The following XRN2 variants were observed in gnomAD, a reference collection of about 807,000 sequenced individuals.
XRN2 encodes DHM1-like protein.
A neutral mutation model predicts 138.5 loss-of-function variants in XRN2; 44 were observed. That is an observed-to-expected ratio of 0.32 (90% CI 0.25 to 0.41). The LOEUF (loss-of-function observed/expected upper bound fraction) is 0.41, where lower values mean the gene tolerates loss of function less well. Among genes scored for constraint, XRN2 ranks in the 10% least tolerant of loss-of-function variants. The pLI, the probability that XRN2 is intolerant of heterozygous loss-of-function variation, is 1.00. For synonymous variants in XRN2, 354 were observed against 369.4 expected, an observed-to-expected ratio of 0.96 and a Z score of 0.48; for missense variants, 937 against 1,169.3, an observed-to-expected ratio of 0.80 and a Z score of 2.90.
intron 1 of XRN2, among the ~76,000 whole-genome samples, chr20:21,312,567 A>G (rs1287070578): frequency 6.6e-6 from 1 of 151,508 alleles, no homozygotes; most frequent in Non-Finnish European, 1.5e-5. Context: ...TAAACTCTAG[A>G]GAGCCAGAGC....
At chr20:21,331,937 T>C in intron 8 of XRN2, 119 bp downstream of exon 8, 1 of 1,103,438 alleles carries the variant, frequency 9.1e-7, no homozygotes, top group East Asian at 2.4e-5. Flanking sequence ...TTGGTTATTT[T>C]ATGTTCGACA....
At position 21,386,955 on chromosome 20, in the gene XRN2, A is replaced by G. The variant is rs761012163; in HGVS notation, c.2736A>G (p.Leu912=). 1.2e-6 allele frequency: 2 copies of G among 1,614,012 alleles called. No individual in the cohort carries two copies. The highest frequency in any genetic ancestry group is 2.2e-5 in the South Asian group (2 of 91,082). ...TCCAGCCAAACCAGTACCAGATGCTAGCTGGGCCTGGTGGGTATCCACCCA... is the reference window on the plus strand; with the variant it reads ...TCCAGCCAAACCAGTACCAGATGCTGGCTGGGCCTGGTGGGTATCCACCCA... The part of the protein sequence containing the change: ...AAFQPNQYQM[L]AGPGGYPPRR... The change falls in exon 29 of 30, where the codon CTA becomes CTG. Residue 912 remains leucine, a synonymous_variant. Coordinates refer to ENST00000377191, the MANE Select transcript of XRN2 (RefSeq NM_012255.5).
chr20:21,357,666 A>T, intron 23 of XRN2, 70 bp from the exon 24 acceptor site: 2 of 1,271,640 alleles, frequency 1.6e-6, no homozygotes, highest in Non-Finnish European at 2.2e-6. Flanking sequence ...AAACATAGCA[A>T]CATCTTATTT....
chr20:21,327,117 G>A (rs1041297375), intron 3 of XRN2, among the ~76,000 whole-genome samples: 2 of 152,264 alleles, frequency 1.3e-5, no homozygotes, highest in Admixed American at 6.5e-5. Flanking sequence ...CACACTTTCC[G>A]TGCCTTTGAC....
chr20:21,316,650 A>G (rs1470230173), intron 1 of XRN2, among the ~76,000 whole-genome samples: 1 of 152,206 alleles, frequency 6.6e-6, no homozygotes, highest in Non-Finnish European at 1.5e-5. Flanking sequence ...CTAAATGTTT[A>G]TCCTTGTCCC....
At chr20:21,344,422 G>A (rs896229958) in intron 16 of XRN2, among the ~76,000 whole-genome samples, 2 of 152,116 alleles carry the variant, frequency 1.3e-5, no homozygotes, top group African/African-American at 4.8e-5. Flanking sequence ...ATTAGTATGC[G>A]TGCAGGCTTT....
At chr20:21,371,600 C>T (rs1223446698) in intron 27 of XRN2, among the ~76,000 whole-genome samples, 1 of 152,248 alleles carries the variant, frequency 6.6e-6, no homozygotes, top group Non-Finnish European at 1.5e-5. Context: ...AAGGAGCTAT[C>T]TTTGCCCTAA....
At chr20:21,347,639 CAT>C (rs886319893) in intron 17 of XRN2, among the ~76,000 whole-genome samples, 13 of 152,184 alleles carry the variant, frequency 8.5e-5, no homozygotes, top group Non-Finnish European at 1.6e-4. Context: ...TGTTTACTCA[CAT>C]GTTTTTATAG....
At chr20:21,305,553 C>CTTTTTTTTTTTTTTTTTTTTTT (rs1180206108) in intron 1 of XRN2, among the ~76,000 whole-genome samples, 1 of 19,840 alleles carries the variant, frequency 5.0e-5, no homozygotes, top group African/African-American at 9.8e-5. Context: ...CATACGTGGC[C>CTTTTTTTTTTTTTTTTTTTTTT]TTTTTTTTTT....
chr20:21,373,522 C>G (rs2038785350), intron 27 of XRN2, among the ~76,000 whole-genome samples: 1 of 152,168 alleles, frequency 6.6e-6, no homozygotes, highest in Non-Finnish European at 1.5e-5. Context: ...TGTGTATGTT[C>G]AGCTTTAGTG....
intron 26 of XRN2, among the ~76,000 whole-genome samples, chr20:21,366,863 T>G (rs968405675): frequency 8.5e-5 from 13 of 152,236 alleles, no homozygotes; most frequent in African/African-American, 2.9e-4. Context: ...CATTTATGTA[T>G]TGCTATATGT....
intron 14 of XRN2, among the ~76,000 whole-genome samples, 179 bp from the exon 15 acceptor site, chr20:21,340,542 G>A (rs901088743): frequency 6.6e-6 from 1 of 152,188 alleles, no homozygotes; most frequent in Non-Finnish European, 1.5e-5. Flanking sequence ...GAAGGTATAA[G>A]TTACCATCAA....
In XRN2 at chr20:21,331,460, G is replaced by T. The variant is rs773488743; in HGVS notation, c.577-101G>T. 9.7e-4 allele frequency: 929 copies of T among 962,578 alleles called. 1 individual carries two copies. The highest frequency in any genetic ancestry group is 1.1e-3 in the Non-Finnish European group (680 of 628,212). 59.6% of individuals were successfully genotyped at this position (962,578 alleles called of 1,614,324 possible). A position where few individuals can be genotyped will look rare whatever the true frequency, so the allele number is the denominator to read the frequency against. ...ACACCCTTATTCAGAAAATTTTCCC[G>T]TAACACTTATCTCAGTTTTTCTTGA... is the stretch of plus-strand genomic sequence containing the variant. On this transcript the variant is annotated intron_variant, in intron 6 of 29. Coordinates refer to ENST00000377191, the MANE Select transcript of XRN2 (RefSeq NM_012255.5).
intron 27 of XRN2, among the ~76,000 whole-genome samples, chr20:21,371,129 T>C (rs2038756887): frequency 6.6e-6 from 1 of 152,218 alleles, no homozygotes; most frequent in Admixed American, 6.5e-5. Context: ...GCTGTACTTA[T>C]GAAAGAACGT....
At chr20:21,354,587 A>G (rs1459543981) in intron 20 of XRN2, among the ~76,000 whole-genome samples, 1 of 152,242 alleles carries the variant, frequency 6.6e-6, no homozygotes, top group Non-Finnish European at 1.5e-5. Flanking sequence ...AGAATGGAAA[A>G]TACGTAGAAT....
intron 14 of XRN2, among the ~76,000 whole-genome samples, chr20:21,340,070 A>G (rs1275851562): frequency 1.3e-5 from 2 of 152,218 alleles, no homozygotes; most frequent in Non-Finnish European, 2.9e-5. Flanking sequence ...AGCTATAATC[A>G]TATCTAATTA....
In XRN2 at chr20:21,351,816, T is replaced by C. The variant is rs573401013; in HGVS notation, c.1936+2355T>C. Among the ~76,000 whole-genome samples, 66 of 152,350 alleles carry C rather than the reference T, an allele frequency of 4.3e-4. No individual in the cohort carries two copies. The Middle Eastern group carries it at 0.014, about 31-fold the overall frequency. On this transcript the variant is annotated intron_variant, in intron 20 of 29. Transcript: ENST00000377191. Reference sequence around the variant, plus strand: ...TCTTTTGCATGTGCATATCAAATTTTCCCGGCACCACTTGTTGAAAAGACC... The same window carrying C: ...TCTTTTGCATGTGCATATCAAATTTCCCCGGCACCACTTGTTGAAAAGACC...
intron 29 of XRN2, among the ~76,000 whole-genome samples, chr20:21,387,588 T>C (rs542099802): frequency 6.6e-6 from 1 of 152,336 alleles, no homozygotes; most frequent in South Asian, 2.1e-4. Context: ...TTCATGTCCT[T>C]CTCTTTACAG....
chr20:21,314,980 G>T (rs1372098802), intron 1 of XRN2, among the ~76,000 whole-genome samples: 10 of 152,198 alleles, frequency 6.6e-5, no homozygotes, highest in Admixed American at 6.5e-4. Context: ...AGTCTTGACT[G>T]CAGGGGCCAC....
Sources: gnomAD v4.1 joint callset for allele counts (sites outside exome capture counted in the v4.1 genomes callset) on GRCh38, gnomAD v4.1.1 for gene constraint, MANE v1.5 for transcripts, NCBI Gene and HGNC (gene_info 2026-07-23, HGNC 2026-07-21) for gene names.